PRRC2B: variants seen among roughly 807,000 people sequenced by gnomAD.
The protein encoded by PRRC2B is proline rich coiled-coil 2B, also known as protein PRRC2B.
In PRRC2B, 68 loss-of-function variants were observed where a neutral mutation model predicts 242.3. The ratio of observed to expected loss-of-function variants is 0.28; its 90% CI spans 0.23 to 0.34. The LOEUF is 0.34. Ranked by LOEUF, PRRC2B falls within the 10% of genes least tolerant of loss-of-function variation. The pLI, the probability that PRRC2B is intolerant of heterozygous loss-of-function variation, is 1.00. For missense variants in PRRC2B, 2,835 were observed against 2,954.8 expected (o/e 0.96, Z 0.94); for synonymous variants, 1,228 against 1,173.6 (o/e 1.05, Z -0.95).
At chr9:131,457,122 T>C (rs1588262692) in intron 10 of PRRC2B, among the ~76,000 whole-genome samples, 1 of 152,210 alleles carries the variant, frequency 6.6e-6, no homozygotes, top group East Asian at 1.9e-4. Context: ...CTGGAAAGAG[T>C]TGGTAATAAT....
chr9:131,402,551 C>T (rs540209067), intron 1 of PRRC2B, among the ~76,000 whole-genome samples: 37 of 152,210 alleles, frequency 2.4e-4, no homozygotes, highest in South Asian at 6.2e-4. Context: ...GGTCCTTTCC[C>T]CCAGTGGAGT....
chr9:131,446,982 T>A lies in PRRC2B; in HGVS notation c.856-103T>A. 6.8e-7 allele frequency: 1 copy of A among 1,464,972 alleles called. No homozygotes were observed. Among genetic ancestry groups the A allele is most frequent in the Non-Finnish European group, 9.4e-7 (1 of 1,066,976 alleles). The allele number at this position is 1,464,972 out of a possible 1,614,324, so 90.7% of individuals were successfully genotyped here. A position where few individuals can be genotyped will look rare whatever the true frequency, so the allele number is the denominator to read the frequency against. On this transcript the variant is annotated intron_variant, in intron 7 of 31. Coordinates refer to ENST00000683519, the MANE Select transcript of PRRC2B (RefSeq NM_013318.4). The surrounding 1 kb of genome is among the most constrained non-coding windows in gnomAD (Gnocchi z 4.1). The stretch of plus-strand genomic sequence containing the variant: ...TTAGGAAACCCCATGACTTTCCTGT[T>A]TCTTTTTCCCATTTTCCACTTTATA...
chr9:131,459,492 C>A, intron 11 of PRRC2B, 136 bp downstream of exon 11: 1 of 808,108 alleles, frequency 1.2e-6, no homozygotes, highest in Non-Finnish European at 1.9e-6. Context: ...TTCATAGAGA[C>A]AGGGTCTCAC....
Position 131,411,179 on chromosome 9 carries a change from C to T in PRRC2B, c.-52+16916C>T, listed in dbSNP as rs372692838. Among the ~76,000 whole-genome samples the T allele has an allele frequency of 4.0e-5, 6 of 151,704 alleles. No individual in the cohort carries two copies. The East Asian group carries it at 1.2e-3, about 30-fold the overall frequency. On this transcript the variant is annotated intron_variant, in intron 1 of 31. Transcript: ENST00000683519. Reference sequence around the variant, plus strand: ...GGCTGAGGCAGGAGAATCGCCTGAACCCGGGAGGTGGAGATTGCAGTGAGC... The same window carrying T: ...GGCTGAGGCAGGAGAATCGCCTGAATCCGGGAGGTGGAGATTGCAGTGAGC...
At chr9:131,416,058 A>C (rs144302049) in intron 1 of PRRC2B, among the ~76,000 whole-genome samples, 2 of 147,356 alleles carry the variant, frequency 1.4e-5, no homozygotes, top group Non-Finnish European at 3.0e-5. Flanking sequence ...CCCATCGCTC[A>C]TTTTCTGAGA....
At position 131,488,063 on chromosome 9, in the gene PRRC2B, T is replaced by A. The variant is rs761954436; in HGVS notation, c.6192T>A (p.Gly2064=). ...EGQLSQAAGL[G]ASQMLDSQLP... ...AGCTCAGCCAGGCTGCTGGCCTGGGTGCCTCCCAGATGTTGGACTCCCAGC... is the reference window on the plus strand; with the variant it reads ...AGCTCAGCCAGGCTGCTGGCCTGGGAGCCTCCCAGATGTTGGACTCCCAGC... Residue 2064 remains glycine, a synonymous_variant, in exon 28 of 32, where the codon GGT becomes GGA. Coordinates refer to ENST00000683519, the MANE Select transcript of PRRC2B (RefSeq NM_013318.4). The A allele has an allele frequency of 5.0e-6, 8 of 1,613,294 alleles. No homozygotes were observed. In the African/African-American group the frequency reaches 1.1e-4, roughly 22 times the overall value.
chr9:131,428,322 G>T (rs1838028478), intron 1 of PRRC2B, among the ~76,000 whole-genome samples: 1 of 152,138 alleles, frequency 6.6e-6, no homozygotes, highest in African/African-American at 2.4e-5. Context: ...CTGGGCTCAA[G>T]TGATCCTCCT....
At position 131,456,211 on chromosome 9, in the gene PRRC2B, CTTTT is replaced by C. The variant is rs59184650; in HGVS notation, c.1211+1061_1211+1064del. Among the ~76,000 whole-genome samples the C allele has an allele frequency of 4.5e-4, 63 of 138,932 alleles. 1 individual carries two copies. The highest frequency in any genetic ancestry group is 6.6e-4 in the African/African-American group (25 of 37,874). 91.1% of individuals were successfully genotyped at this position (138,932 alleles called of 152,430 possible). A position where few individuals can be genotyped will look rare whatever the true frequency, so the allele number is the denominator to read the frequency against. ...TTATTTGACCATGTTAATTTTGTCT[CTTTT>C]TTTTTTTTTTTTTTTGGATCATTTC... On this transcript the variant is annotated intron_variant, in intron 10 of 31. Transcript: ENST00000683519.
chr9:131,458,843 C>G (rs950881153), intron 10 of PRRC2B, among the ~76,000 whole-genome samples: 20 of 152,266 alleles, frequency 1.3e-4, no homozygotes, highest in African/African-American at 4.8e-4. Flanking sequence ...ATTTGTGTTG[C>G]GCTGCATCCA....
chr9:131,455,248 A>G, intron 10 of PRRC2B, 82 bp downstream of exon 10: 2 of 957,752 alleles, frequency 2.1e-6, no homozygotes, highest in East Asian at 5.2e-5. Flanking sequence ...CCCAGTTTCC[A>G]TAGCAACCTG....
At chr9:131,456,477 A>G (rs997946696) in intron 10 of PRRC2B, among the ~76,000 whole-genome samples, 13 of 151,964 alleles carry the variant, frequency 8.6e-5, no homozygotes, top group Admixed American at 2.0e-4. Flanking sequence ...TAAAAATACA[A>G]AAAACTAGCT....
chr9:131,405,575 C>G (rs754504323), intron 1 of PRRC2B, among the ~76,000 whole-genome samples: 2 of 152,096 alleles, frequency 1.3e-5, no homozygotes, highest in African/African-American at 2.4e-5. Flanking sequence ...TTTAGTTCTT[C>G]CAGGAGATCA....
chr9:131,412,159 T>C (rs1382719099), intron 1 of PRRC2B, among the ~76,000 whole-genome samples: 1 of 152,224 alleles, frequency 6.6e-6, no homozygotes, highest in Non-Finnish European at 1.5e-5. Flanking sequence ...TTTGCTCATC[T>C]ACGTTGACCG....
At chr9:131,418,494 G>A (rs924203911) in intron 1 of PRRC2B, among the ~76,000 whole-genome samples, 1 of 152,172 alleles carries the variant, frequency 6.6e-6, no homozygotes, top group African/African-American at 2.4e-5. Context: ...TGAGGACATA[G>A]GGTTTAGGAA....
At chr9:131,489,895 G>T (rs930394596) in intron 28 of PRRC2B, among the ~76,000 whole-genome samples, 2 of 151,536 alleles carry the variant, frequency 1.3e-5, no homozygotes, top group Non-Finnish European at 2.9e-5. Flanking sequence ...CCAGGCCGTC[G>T]CTCCTGGCTT....
chr9:131,491,478 C>T lies in PRRC2B; in HGVS notation c.6279C>T (p.Pro2093=). ...YGSGQQPLIL[P]QSIQLPPGQS... is the part of the protein sequence containing the mutation. ...CCGGGCAGCAGCCACTGATCCTGCC[C>T]CAGTCTATTCAGCTGCCACCTGGGC... is the stretch of plus-strand genomic sequence containing the variant. Residue 2093 remains proline (P), a synonymous_variant, in exon 29 of 32, where the codon CCC becomes CCT. Transcript: ENST00000683519. 6.2e-7 allele frequency: 1 copy of T among 1,612,412 alleles called. No homozygotes were observed. The highest frequency in any genetic ancestry group is 8.5e-7 in the Non-Finnish European group (1 of 1,179,524).
At position 131,464,918 on chromosome 9, in the gene PRRC2B, G is replaced by A. The variant is rs1943348799; in HGVS notation, c.1560G>A (p.Glu520=). The change falls in exon 12 of 32, where the codon GAG becomes GAA. Residue 520 remains glutamate (E), a synonymous_variant. Coordinates refer to ENST00000683519, the MANE Select transcript of PRRC2B (RefSeq NM_013318.4). ...AAGAGGAGCGCCGAGCCCGGGAGGA[G>A]AGGCTGGCCGCCTGTGCTGCCAAAC... ...REEEERRARE[E]RLAACAAKLK... is the part of the protein sequence containing the mutation. The A allele has an allele frequency of 6.2e-7, 1 of 1,613,512 alleles. No homozygotes were observed. Among genetic ancestry groups the A allele is most frequent in the Non-Finnish European group, 8.5e-7 (1 of 1,179,788 alleles).
intron 1 of PRRC2B, among the ~76,000 whole-genome samples, chr9:131,406,133 T>A (rs1202651142): frequency 1.3e-5 from 2 of 152,048 alleles, no homozygotes; most frequent in African/African-American, 4.8e-5. Flanking sequence ...TTTTGTACAC[T>A]TGGGGCTTGT....
rs1402421441 is a variant in PRRC2B, at chr9:131,475,132, C to T, written c.3003C>T (p.Thr1001=). The T allele has an allele frequency of 6.2e-6, 10 of 1,612,626 alleles. No homozygotes were observed. In the African/African-American group the frequency reaches 1.2e-4, roughly 19 times the overall value. ...NDASLANSST[T]TLEDKGPGHA... is the part of the protein sequence containing the mutation. ...CCTCTCTGGCCAACTCCTCCACCAC[C>T]ACTTTGGAGGACAAAGGCCCTGGCC... The change falls in exon 16 of 32, where the codon ACC becomes ACT. Residue 1001 remains threonine, a synonymous_variant. Transcript: ENST00000683519.
Sources: gnomAD v4.1 joint callset for allele counts (sites outside exome capture counted in the v4.1 genomes callset) on GRCh38, gnomAD v4.1.1 for gene constraint, Gnocchi (gnomAD v3.1) non-coding constraint, MANE v1.5 for transcripts, NCBI Gene and HGNC (gene_info 2026-07-23, HGNC 2026-07-21) for gene names.